Variants in GRIN2A observed in about 807,000 individuals in gnomAD.
GRIN2A encodes glutamate ionotropic receptor NMDA type subunit 2A.
In GRIN2A, 22 loss-of-function variants were observed where a neutral mutation model predicts 113.4. The observed-to-expected ratio is 0.19, with a 90% CI of 0.14 to 0.28. The LOEUF (loss-of-function observed/expected upper bound fraction) is 0.28. Ranked by LOEUF, GRIN2A falls within the 10% of genes least tolerant of loss-of-function variation. GRIN2A has a pLI of 1.00. For missense variants in GRIN2A, 1,502 were observed against 1,887.0 expected (o/e 0.80, Z 3.78); for synonymous variants, 827 against 738.4 (o/e 1.12, Z -1.94).
At chr16:9,842,886 G>A (rs1221243862) in intron 5 of GRIN2A, among the ~76,000 whole-genome samples, 8 of 151,748 alleles carry the variant, frequency 5.3e-5, no homozygotes, top group African/African-American at 1.7e-4. Context: ...AGCCAAGATC[G>A]CACCACTGCA....
chr16:10,151,134 T>A (rs942500008), intron 2 of GRIN2A, among the ~76,000 whole-genome samples: 2 of 152,242 alleles, frequency 1.3e-5, no homozygotes, highest in Admixed American at 6.5e-5. Context: ...TCACTCTTCC[T>A]GTCCGCCATC....
intron 2 of GRIN2A, among the ~76,000 whole-genome samples, chr16:10,090,209 A>G (rs768952833): frequency 2.1e-4 from 32 of 151,792 alleles, no homozygotes; most frequent in Non-Finnish European, 3.8e-4. Context: ...GGTTTCCAGT[A>G]GCCAAAAAAA....
chr16:10,120,022 T>C (rs551953364), intron 2 of GRIN2A, among the ~76,000 whole-genome samples: 258 of 152,346 alleles, frequency 1.7e-3, no homozygotes, highest in Non-Finnish European at 2.6e-3. Flanking sequence ...TTTGCTATTG[T>C]GAATAGGGCT....
chr16:9,879,202 G>A (rs1016361600), intron 4 of GRIN2A, among the ~76,000 whole-genome samples: 1 of 152,032 alleles, frequency 6.6e-6, no homozygotes, highest in African/African-American at 2.4e-5. Context: ...ATTCCACACA[G>A]ACTCTGCTAA....
intron 2 of GRIN2A, among the ~76,000 whole-genome samples, chr16:9,986,044 C>A (rs918849899): frequency 6.6e-6 from 1 of 151,764 alleles, no homozygotes; most frequent in Non-Finnish European, 1.5e-5. Context: ...TTCATAGGTA[C>A]AATATGATGT....
intron 2 of GRIN2A, among the ~76,000 whole-genome samples, chr16:10,132,730 A>G (rs142629182): frequency 9.3e-4 from 141 of 152,364 alleles, no homozygotes; most frequent in African/African-American, 2.7e-3. Context: ...AGGACTGCAG[A>G]AAGAAGCAAA....
At chr16:10,057,311 A>C (rs555753455) in intron 2 of GRIN2A, among the ~76,000 whole-genome samples, 9 of 152,174 alleles carry the variant, frequency 5.9e-5, no homozygotes, top group Non-Finnish European at 1.3e-4. Flanking sequence ...CTTGCTATGC[A>C]AACTGAACTT....
chr16:10,093,051 G>C (rs754449449), intron 2 of GRIN2A, among the ~76,000 whole-genome samples: 1 of 152,000 alleles, frequency 6.6e-6, no homozygotes, highest in Non-Finnish European at 1.5e-5. Flanking sequence ...TGTTGGCCAG[G>C]CTGGCCTCAA....
In GRIN2A at chr16:9,791,321, G is replaced by T. The variant is rs138444519; in HGVS notation, c.2356+6956C>A. 1.6e-3 allele frequency among the ~76,000 whole-genome samples: 250 copies of T among 152,182 alleles called. 3 individuals are homozygous for T. Among genetic ancestry groups the T allele is most frequent in the Non-Finnish European group, 3.0e-3 (202 of 68,008 alleles). On this transcript the variant is annotated intron_variant, in intron 11 of 12. Coordinates refer to ENST00000330684, the MANE Select transcript of GRIN2A (RefSeq NM_001134407.3). The stretch of plus-strand genomic sequence containing the variant: ...GGGAAGGAGGAATTCCATTTTTATA[G>T]GGTGTTGCATGCAGCAATCCACACT...
chr16:10,074,641 G>A (rs2047833601), intron 2 of GRIN2A, among the ~76,000 whole-genome samples: 1 of 152,206 alleles, frequency 6.6e-6, no homozygotes, highest in African/African-American at 2.4e-5. Context: ...AAAAGGCCAT[G>A]TATTATACAA....
chr16:10,157,095 C>A (rs1204940822), intron 2 of GRIN2A, among the ~76,000 whole-genome samples: 3 of 152,160 alleles, frequency 2.0e-5, no homozygotes, highest in Admixed American at 1.3e-4. Flanking sequence ...GTCCAATGCG[C>A]CCCTTGAGTA....
chr16:9,882,700 C>A (rs1019039450), intron 4 of GRIN2A, among the ~76,000 whole-genome samples: 3 of 152,156 alleles, frequency 2.0e-5, no homozygotes, highest in South Asian at 2.1e-4. Flanking sequence ...GGCAGGAAGA[C>A]CCCTTAAGCC....
intron 2 of GRIN2A, among the ~76,000 whole-genome samples, chr16:9,976,690 G>A (rs548568241): frequency 6.6e-6 from 1 of 152,196 alleles, no homozygotes; most frequent in Non-Finnish European, 1.5e-5. Flanking sequence ...AATGAAAGCC[G>A]GCACTCTAAT....
At chr16:9,904,333 G>A (rs1037467951) in intron 3 of GRIN2A, among the ~76,000 whole-genome samples, 1 of 152,142 alleles carries the variant, frequency 6.6e-6, no homozygotes, top group Non-Finnish European at 1.5e-5. Flanking sequence ...ATGGTGGAGA[G>A]AGATCTACTT....
chr16:9,992,092 C>T (rs978989501), intron 2 of GRIN2A, among the ~76,000 whole-genome samples: 5 of 152,236 alleles, frequency 3.3e-5, no homozygotes, highest in East Asian at 1.9e-4. Flanking sequence ...AAGATAAGGA[C>T]GTCAAGTTCC....
intron 4 of GRIN2A, among the ~76,000 whole-genome samples, chr16:9,852,863 T>C (rs971713146): frequency 6.6e-6 from 1 of 152,224 alleles, no homozygotes; most frequent in Admixed American, 6.5e-5. Context: ...TCCATAAATA[T>C]GTGTTGAGTG....
intron 2 of GRIN2A, among the ~76,000 whole-genome samples, chr16:10,153,609 C>T (rs1002878338): frequency 1.3e-5 from 2 of 152,138 alleles, no homozygotes; most frequent in Non-Finnish European, 2.9e-5. Flanking sequence ...AAGATCCTGG[C>T]CTTGAGTCAG....
chr16:9,901,199 T>G, intron 3 of GRIN2A, among the ~76,000 whole-genome samples: 1 of 152,166 alleles, frequency 6.6e-6, no homozygotes, highest in East Asian at 1.9e-4. Context: ...CAATGCAAAT[T>G]TGTGGAATGA....
chr16:9,775,750 C>A (rs917794506), intron 11 of GRIN2A, among the ~76,000 whole-genome samples: 1 of 152,190 alleles, frequency 6.6e-6, no homozygotes, highest in African/African-American at 2.4e-5. Context: ...AGTGAACACC[C>A]AACTATTTTC....
Sources: allele counts gnomAD v4.1 joint callset (sites outside exome capture counted in the v4.1 genomes callset), GRCh38; gene constraint gnomAD v4.1.1; transcripts MANE v1.5; gene names NCBI Gene and HGNC (gene_info 2026-07-23, HGNC 2026-07-21).